Variants in NALCN observed in about 807,000 individuals in gnomAD.
NALCN encodes the protein sodium leak channel, non-selective.
Under a neutral mutation model 225.3 loss-of-function variants are expected in NALCN, and 111 were observed. The ratio of observed to expected loss-of-function variants is 0.49; its 90% CI spans 0.42 to 0.58. The LOEUF is 0.58. NALCN is among the 20% of genes least tolerant of loss of function. The pLI, the probability that NALCN is intolerant of heterozygous loss-of-function variation, is 0.00. For missense variants in NALCN, 1,378 were observed against 2,202.4 expected, an observed-to-expected ratio of 0.63 and a Z score of 7.49; for synonymous variants, 764 against 769.0, an observed-to-expected ratio of 0.99 and a Z score of 0.11.
chr13:101,412,798 C>T (rs533903283), intron 1 of NALCN, among the ~76,000 whole-genome samples: 1 of 152,292 alleles, frequency 6.6e-6, no homozygotes, highest in Non-Finnish European at 1.5e-5. Context: ...AGATTTCTCA[C>T]TATGTAAGCC....
chr13:101,273,688 A>T (rs148745024), intron 10 of NALCN, among the ~76,000 whole-genome samples: 1 of 152,056 alleles, frequency 6.6e-6, no homozygotes, highest in African/African-American at 2.4e-5. Flanking sequence ...GATCGAGACC[A>T]TCCTGGCTAA....
intron 13 of NALCN, among the ~76,000 whole-genome samples, chr13:101,226,191 A>G (rs2041134635): frequency 6.6e-6 from 1 of 152,044 alleles, no homozygotes; most frequent in Non-Finnish European, 1.5e-5. Flanking sequence ...CACCAGAAAC[A>G]TTCCAACCCT....
intron 26 of NALCN, among the ~76,000 whole-genome samples, chr13:101,102,899 A>G (rs1484544444): frequency 6.6e-6 from 1 of 152,198 alleles, no homozygotes; most frequent in Non-Finnish European, 1.5e-5. Context: ...TAGGAATTAG[A>G]GTCAAGAGGT....
chr13:101,405,959 CAG>C (rs759742023), intron 1 of NALCN, among the ~76,000 whole-genome samples: 7 of 151,984 alleles, frequency 4.6e-5, no homozygotes, highest in Non-Finnish European at 7.4e-5. Flanking sequence ...CATGCAAAAA[CAG>C]AGTCCTTCTA....
At chr13:101,165,399 T>G (rs2038389850) in intron 15 of NALCN, among the ~76,000 whole-genome samples, 1 of 152,196 alleles carries the variant, frequency 6.6e-6, no homozygotes, top group African/African-American at 2.4e-5. Flanking sequence ...GTTAATATGA[T>G]CAGTTTTAAA....
At chr13:101,344,611 GC>G (rs765465195) in intron 7 of NALCN, among the ~76,000 whole-genome samples, 1 of 152,094 alleles carries the variant, frequency 6.6e-6, no homozygotes, top group Non-Finnish European at 1.5e-5. Flanking sequence ...TGCGCAACTT[GC>G]ATGGAATTAT....
chr13:101,180,536 C>T (rs1187688489), intron 14 of NALCN: 1 of 157,836 alleles, frequency 6.3e-6, no homozygotes, highest in African/African-American at 2.4e-5. Context: ...GCTGTTGTTC[C>T]CACAACACAT....
intron 15 of NALCN, among the ~76,000 whole-genome samples, chr13:101,165,827 T>C (rs567738368): frequency 3.3e-5 from 5 of 152,352 alleles, no homozygotes; most frequent in African/African-American, 1.2e-4. Flanking sequence ...CATACTCACA[T>C]TGTTGTACAA....
intron 18 of NALCN, among the ~76,000 whole-genome samples, chr13:101,120,080 C>T (rs2035899202): frequency 6.6e-6 from 1 of 152,178 alleles, no homozygotes; most frequent in South Asian, 2.1e-4. Context: ...ATACCTCAGG[C>T]TCTAGGGCCC....
intron 13 of NALCN, among the ~76,000 whole-genome samples, chr13:101,222,551 C>G (rs2040981237): frequency 6.6e-6 from 1 of 152,092 alleles, no homozygotes; most frequent in Non-Finnish European, 1.5e-5. Context: ...AAAAAACCCT[C>G]CTCTCCAAGC....
intron 3 of NALCN, among the ~76,000 whole-genome samples, chr13:101,384,642 T>A (rs1473431528): frequency 1.2e-4 from 18 of 152,194 alleles, no homozygotes; most frequent in Admixed American, 1.2e-3. Context: ...TATTGCCAGA[T>A]GTGAAATAGA....
At chr13:101,114,488 T>C (rs1253191913) in intron 18 of NALCN, among the ~76,000 whole-genome samples, 4 of 152,014 alleles carry the variant, frequency 2.6e-5, no homozygotes, top group African/African-American at 7.2e-5. Flanking sequence ...TTGCTTGCCC[T>C]GGTGAAGCAA....
chr13:101,196,681 A>G (rs2039903957), intron 13 of NALCN, among the ~76,000 whole-genome samples: 1 of 152,188 alleles, frequency 6.6e-6, no homozygotes, highest in Non-Finnish European at 1.5e-5. Context: ...TATGCTTGAA[A>G]TATCAGGCTT....
At chr13:101,286,641 C>G (rs547517402) in intron 9 of NALCN, among the ~76,000 whole-genome samples, 59 of 152,188 alleles carry the variant, frequency 3.9e-4, no homozygotes, top group African/African-American at 1.3e-3. Flanking sequence ...GCTTTTTTGT[C>G]CCTTGCAACT....
intron 7 of NALCN, among the ~76,000 whole-genome samples, chr13:101,331,990 C>T (rs915818403): frequency 2.6e-5 from 4 of 152,108 alleles, no homozygotes; most frequent in African/African-American, 4.8e-5. Flanking sequence ...TTGGTTAAAT[C>T]CTCCTTGGTT....
rs1207009150 is a variant in NALCN, at chr13:101,169,068, T to C, written c.1839+7232A>G. Among the ~76,000 whole-genome samples, 10 of 152,306 alleles carry C rather than the reference T, an allele frequency of 6.6e-5. No individual in the cohort carries two copies. In the East Asian group the frequency reaches 1.9e-3, roughly 29 times the overall value. On this transcript the variant is annotated intron_variant, in intron 15 of 43. Transcript: ENST00000251127. The stretch of plus-strand genomic sequence containing the variant: ...TTTTCTGTGTGCTTCCGAAACATTA[T>C]CCTTATAATCATCACCACTGAACCC...
intron 15 of NALCN, among the ~76,000 whole-genome samples, chr13:101,155,408 T>C (rs1187271106): frequency 6.6e-6 from 1 of 152,202 alleles, no homozygotes; most frequent in African/African-American, 2.4e-5. Flanking sequence ...TTAATGACTT[T>C]GATGGTTTCG....
intron 11 of NALCN, among the ~76,000 whole-genome samples, chr13:101,241,512 A>G (rs1328498997): frequency 6.6e-6 from 1 of 152,000 alleles, no homozygotes; most frequent in Non-Finnish European, 1.5e-5. Flanking sequence ...GATCAGTCTT[A>G]GCTCACTGGG....
intron 7 of NALCN, among the ~76,000 whole-genome samples, chr13:101,336,056 T>C (rs2045367747): frequency 6.6e-6 from 1 of 152,054 alleles, no homozygotes; most frequent in South Asian, 2.1e-4. Context: ...ATTATAAAAA[T>C]AATAGAATAC....
Sources: gnomAD v4.1 joint callset for allele counts (sites outside exome capture counted in the v4.1 genomes callset) on GRCh38, gnomAD v4.1.1 for gene constraint, MANE v1.5 for transcripts, NCBI Gene and HGNC (gene_info 2026-07-23, HGNC 2026-07-21) for gene names.